NEFH: variants seen among roughly 807,000 people sequenced by gnomAD.
NEFH encodes the protein neurofilament heavy polypeptide.
Under a neutral mutation model 56.6 loss-of-function variants are expected in NEFH, and 58 were observed. The observed-to-expected ratio is 1.03, with a 90% CI of 0.83 to 1.28. The LOEUF is 1.28. Ranked by LOEUF, NEFH falls within the 50% of genes most tolerant of loss-of-function variation. NEFH has a pLI of 0.00. For synonymous variants in NEFH, 542 were observed against 545.8 expected, an observed-to-expected ratio of 0.99 and a Z score of 0.10; for missense variants, 1,221 against 1,307.6, an observed-to-expected ratio of 0.93 and a Z score of 1.02.
chr22:29,488,915 A>T lies in NEFH; in HGVS notation c.1275A>T (p.Gly425=). The T allele has an allele frequency of 6.2e-7, 1 of 1,614,152 alleles. No homozygotes were observed. Among genetic ancestry groups the T allele is most frequent in the Non-Finnish European group, 8.5e-7 (1 of 1,180,030 alleles). Residue 425 remains glycine (G), a synonymous_variant, in exon 4 of 4, where the codon GGA becomes GGT. Transcript: ENST00000310624. ...FGPIPFSLPE[G]LPKIPSVSTH... Reference sequence around the variant, plus strand: ...CAATTCCTTTCTCGCTTCCAGAAGGACTCCCCAAAATTCCCTCTGTGTCCA... The same window carrying T: ...CAATTCCTTTCTCGCTTCCAGAAGGTCTCCCCAAAATTCCCTCTGTGTCCA...
At chr22:29,482,963 C>A (rs1249709142) in intron 1 of NEFH, among the ~76,000 whole-genome samples, 1 of 152,100 alleles carries the variant, frequency 6.6e-6, no homozygotes, top group African/African-American at 2.4e-5. Context: ...CGCAGTAGGT[C>A]AATCCACATG....
chr22:29,484,227 T>C (rs1314036982), intron 2 of NEFH, among the ~76,000 whole-genome samples: 1 of 152,218 alleles, frequency 6.6e-6, no homozygotes, highest in Non-Finnish European at 1.5e-5. Context: ...CGAATCTTTC[T>C]AGATTTGAAT....
chr22:29,480,836 C>T lies in NEFH; in HGVS notation c.574C>T (p.Arg192Ter), dbSNP rs1391677510. Residue 192 changes from arginine (R) to a stop codon, truncating the protein, a stop_gained, in exon 1 of 4, where the codon CGA (arginine) becomes TGA (stop). Transcript: ENST00000310624. LOFTEE classifies it high-confidence loss of function. ...GCGCCTAGACGACGAGGCCCGGCAG[C>T]GAGAGGAGGCCGAGGCGGCGGCCCG... The part of the protein sequence containing the change: ...RQRLDDEARQ[R>*]EEAEAAARAL... The T allele has an allele frequency of 1.4e-6, 2 of 1,392,360 alleles. No individual in the cohort carries two copies. The highest frequency in any genetic ancestry group is 1.8e-6 in the Non-Finnish European group (2 of 1,085,288). 86.3% of individuals were successfully genotyped at this position (1,392,360 alleles called of 1,614,324 possible). A position where few individuals can be genotyped will look rare whatever the true frequency, so the allele number is the denominator to read the frequency against.
At chr22:29,482,854 A>C (rs1398133129) in intron 1 of NEFH, among the ~76,000 whole-genome samples, 1 of 152,228 alleles carries the variant, frequency 6.6e-6, no homozygotes, top group African/African-American at 2.4e-5. Context: ...TTTGAGTCCC[A>C]GCTCTGCCAC....
At chr22:29,482,441 C>G (rs1053989957) in intron 1 of NEFH, among the ~76,000 whole-genome samples, 1 of 152,064 alleles carries the variant, frequency 6.6e-6, no homozygotes, top group African/African-American at 2.4e-5. Flanking sequence ...CTGGGAACCA[C>G]GAGCGGGTTG....
In NEFH at chr22:29,490,306, A is replaced by G. The variant is rs1318962313; in HGVS notation, c.2666A>G (p.Lys889Arg). ...GCTGTCGAAAAGCCCAAAGAATCCA[A>G]AGTTGAAGCCAAGAAGGAAGAGGCT... ...EPAVEKPKES[K>R]VEAKKEEAED... Residue 889 changes from lysine to arginine, a missense_variant, in exon 4 of 4, where the codon AAA becomes AGA. Physicochemically the swap from Lys to Arg is conservative, Grantham distance 26. Coordinates refer to ENST00000310624, the MANE Select transcript of NEFH (RefSeq NM_021076.4). The G allele has an allele frequency of 1.9e-5, 30 of 1,613,046 alleles. No individual in the cohort carries two copies. The highest frequency in any genetic ancestry group is 1.7e-4 in the Middle Eastern group (1 of 6,060).
In NEFH at chr22:29,480,594, A is replaced by G. The variant is rs1232778941; in HGVS notation, c.332A>G (p.Tyr111Cys). ...GCGCTGAACGACCGCTTCGCCGGGTACATCGACAAGGTGCGGCAGCTGGAG... is the reference window on the plus strand; with the variant it reads ...GCGCTGAACGACCGCTTCGCCGGGTGCATCGACAAGGTGCGGCAGCTGGAG... The part of the protein sequence containing the change: ...LQALNDRFAG[Y>C]IDKVRQLEAH... Residue 111 changes from tyrosine to cysteine, a missense_variant, in exon 1 of 4, where the codon TAC (tyrosine) becomes TGC (cysteine). By Grantham distance (194) the Tyr-to-Cys change is radical. Transcript: ENST00000310624. The G allele has an allele frequency of 6.4e-7, 1 of 1,561,432 alleles. No individual in the cohort carries two copies. Among genetic ancestry groups the G allele is most frequent in the South Asian group, 1.2e-5 (1 of 86,014 alleles).
Position 29,491,086 on chromosome 22 carries a change from T to G in NEFH, c.*383T>G. ...AATGAATGAGCAGTTAGAAATACAT[T>G]ATGCTTGAGATGTCTTAACCTATTC... On this transcript the variant is annotated 3_prime_UTR_variant, in exon 4 of 4. Coordinates refer to ENST00000310624, the MANE Select transcript of NEFH (RefSeq NM_021076.4). 2.7e-6 allele frequency: 1 copy of G among 364,360 alleles called. No homozygotes were observed. The highest frequency in any genetic ancestry group is 2.2e-5 in the South Asian group (1 of 45,522). 22.6% of individuals were successfully genotyped at this position (364,360 alleles called of 1,614,324 possible).
At position 29,481,046 on chromosome 22, in the gene NEFH, G is replaced by A. The variant is rs779481112; in HGVS notation, c.784G>A (p.Ala262Thr). 8 of 1,531,868 alleles carry A rather than the reference G, an allele frequency of 5.2e-6. No individual in the cohort carries two copies. Among genetic ancestry groups the A allele is most frequent in the Non-Finnish European group, 7.0e-6 (8 of 1,145,514 alleles). 94.9% of individuals were successfully genotyped at this position (1,531,868 alleles called of 1,614,324 possible). A position where few individuals can be genotyped will look rare whatever the true frequency, so the allele number is the denominator to read the frequency against. ...QAQMQAETRD[A>T]LKCDVTSALR... ...GCAGATGCAGGCCGAGACGCGCGAC[G>A]CCCTGAAGTGCGACGTGACGTCGGC... is the stretch of plus-strand genomic sequence containing the variant. Residue 262 changes from alanine (A) to threonine (T), a missense_variant, in exon 1 of 4, where the codon GCC becomes ACC. Physicochemically the swap from Ala to Thr is moderately conservative, Grantham distance 58. Transcript: ENST00000310624.
intron 3 of NEFH, among the ~76,000 whole-genome samples, chr22:29,487,808 G>A (rs571615682): frequency 1.2e-4 from 19 of 152,332 alleles, no homozygotes; most frequent in Non-Finnish European, 2.5e-4. Context: ...ATTCTGCCAA[G>A]TCTTTTCCAT....
rs1234883118 is a variant in NEFH at position 29,491,256 on chromosome 22, C to T, written c.*553C>T. On this transcript the variant is annotated 3_prime_UTR_variant, in exon 4 of 4. Transcript: ENST00000310624. The stretch of plus-strand genomic sequence containing the variant: ...CACTGGAGTTCACTTTCAATTGCTT[C>T]TGTGCAATAAAACCAAGTGCTTATA... The T allele has an allele frequency of 1.5e-5, 3 of 199,460 alleles. No homozygotes were observed. The highest frequency in any genetic ancestry group is 7.1e-5 in the African/African-American group (3 of 42,454). The allele number at this position is 199,460 out of a possible 1,614,324, so 12.4% of individuals were successfully genotyped here.
At chr22:29,487,556 T>TG (rs1260119014) in intron 3 of NEFH, among the ~76,000 whole-genome samples, 1 of 152,066 alleles carries the variant, frequency 6.6e-6, no homozygotes, top group East Asian at 1.9e-4. Context: ...CACCTGAGCC[T>TG]GGGAGTTGGA....
chr22:29,480,562 G>A lies in NEFH; in HGVS notation c.300G>A (p.Gln100=). ...CCACCTCACGCAGTGAGAAGGAGCAGCTGCAGGCGCTGAACGACCGCTTCG... is the reference window on the plus strand; with the variant it reads ...CCACCTCACGCAGTGAGAAGGAGCAACTGCAGGCGCTGAACGACCGCTTCG... ...AVATSRSEKE[Q]LQALNDRFAG... The change falls in exon 1 of 4, where the codon CAG becomes CAA. Residue 100 remains glutamine, a synonymous_variant. Transcript: ENST00000310624. The A allele has an allele frequency of 1.3e-6, 2 of 1,543,686 alleles. No homozygotes were observed. The highest frequency in any genetic ancestry group is 2.4e-5 in the East Asian group (1 of 41,968).
Position 29,489,581 on chromosome 22 carries a change from G to C in NEFH, c.1941G>C (p.Lys647Asn), listed in dbSNP as rs200634512. Residue 647 changes from lysine to asparagine, a missense_variant, in exon 4 of 4, where the codon AAG becomes AAC. This residue lies in a region of NEFH where 37 missense variants were observed against 106.4 expected (regional missense o/e 0.35). Transcript: ENST00000310624. The part of the protein sequence containing the change: ...KAKSPTKEEA[K>N]SPEKAKSPEK... ...AGTCTCCAACGAAGGAGGAAGCAAAGTCCCCTGAGAAGGCCAAGTCCCCAG... is the reference window on the plus strand; with the variant it reads ...AGTCTCCAACGAAGGAGGAAGCAAACTCCCCTGAGAAGGCCAAGTCCCCAG... 939 of 1,612,722 alleles carry C rather than the reference G, an allele frequency of 5.8e-4. 8 individuals are homozygous for C. The African/African-American group carries it at 0.011, about 19-fold the overall frequency.
chr22:29,482,480 T>C (rs1005452284), intron 1 of NEFH, among the ~76,000 whole-genome samples: 4 of 152,170 alleles, frequency 2.6e-5, no homozygotes, highest in African/African-American at 9.7e-5. Context: ...TGGCTACCAA[T>C]GCTCAGGGGC....
chr22:29,490,584 C>A lies in NEFH; in HGVS notation c.2944C>A (p.Leu982Ile). Reference protein sequence around the residue: ...EAKAKEDDKTLSKEPSKPKAE... With the variant: ...EAKAKEDDKTISKEPSKPKAE... ...CAAAGCCAAGGAAGATGACAAGACCCTCTCAAAAGAGCCTAGCAAGCCTAA... is the reference window on the plus strand; with the variant it reads ...CAAAGCCAAGGAAGATGACAAGACCATCTCAAAAGAGCCTAGCAAGCCTAA... Residue 982 changes from leucine (L) to isoleucine (I), a missense_variant, in exon 4 of 4, where the codon CTC becomes ATC. Physicochemically the swap from Leu to Ile is conservative, Grantham distance 5 (BLOSUM62 2). Coordinates refer to ENST00000310624, the MANE Select transcript of NEFH (RefSeq NM_021076.4). 1 of 1,613,952 alleles carries A rather than the reference C, an allele frequency of 6.2e-7. No homozygotes were observed. Among genetic ancestry groups the A allele is most frequent in the Non-Finnish European group, 8.5e-7 (1 of 1,179,984 alleles).
chr22:29,485,841 C>T lies in NEFH; in HGVS notation c.1202C>T (p.Ala401Val). The part of the protein sequence containing the change: ...VKMALDIEIA[A>V]YRKLLEGEEC... ...ATGGCTCTGGATATAGAGATAGCCG[C>T]TTACAGGTGAGACGCACAGGGGCTG... Residue 401 changes from alanine to valine, a missense_variant, in exon 3 of 4, where the codon GCT (alanine) becomes GTT (valine). Physicochemically the swap from Ala to Val is moderately conservative, Grantham distance 64. This residue lies in a region of NEFH where 243 missense variants were observed against 299.1 expected (regional missense o/e 0.81). Coordinates refer to ENST00000310624, the MANE Select transcript of NEFH (RefSeq NM_021076.4). The T allele has an allele frequency of 6.2e-7, 1 of 1,614,194 alleles. No homozygotes were observed. Among genetic ancestry groups the T allele is most frequent in the Non-Finnish European group, 8.5e-7 (1 of 1,180,018 alleles).
At chr22:29,484,639 G>A (rs1168041126) in intron 2 of NEFH, among the ~76,000 whole-genome samples, 1 of 152,068 alleles carries the variant, frequency 6.6e-6, no homozygotes, top group South Asian at 2.1e-4. Flanking sequence ...GAGCGACAGA[G>A]CGAGACTCTG....
At chr22:29,488,407 A>G (rs1432569051) in intron 3 of NEFH, among the ~76,000 whole-genome samples, 4 of 152,100 alleles carry the variant, frequency 2.6e-5, no homozygotes, top group Non-Finnish European at 4.4e-5. Context: ...AAAAAGTGGA[A>G]TTGTTTGCTC....
Sources: allele counts gnomAD v4.1 joint callset (sites outside exome capture counted in the v4.1 genomes callset), GRCh38; gene constraint gnomAD v4.1.1; regional missense constraint gnomAD v4.1.1; transcripts MANE v1.5; gene names NCBI Gene and HGNC (gene_info 2026-07-23, HGNC 2026-07-21).